RBPJ: variants seen among roughly 807,000 people sequenced by gnomAD.
The protein encoded by RBPJ is recombination signal binding protein for immunoglobulin kappa J region.
A neutral mutation model predicts 67.8 loss-of-function variants in RBPJ; 9 were observed. The ratio of observed to expected loss-of-function variants is 0.13; its 90% CI spans 0.08 to 0.23. The LOEUF is 0.23. Ranked by LOEUF, RBPJ falls within the 10% of genes least tolerant of loss-of-function variation. The pLI is 1.00. For synonymous variants in RBPJ, 198 were observed against 203.3 expected, an observed-to-expected ratio of 0.97 and a Z score of 0.22; for missense variants, 305 against 595.6, an observed-to-expected ratio of 0.51 and a Z score of 5.08.
intron 1 of RBPJ, among the ~76,000 whole-genome samples, chr4:26,215,695 A>C (rs1476292815): frequency 3.9e-5 from 6 of 152,022 alleles, no homozygotes; most frequent in African/African-American, 1.2e-4. Flanking sequence ...CAGATCACAC[A>C]CTCTCACGCT....
chr4:26,406,878 G>A (rs1733472897), intron 3 of RBPJ, among the ~76,000 whole-genome samples: 1 of 152,238 alleles, frequency 6.6e-6, no homozygotes, highest in African/African-American at 2.4e-5. Flanking sequence ...TTGGGCTAAA[G>A]TGTAAGAACT....
chr4:26,308,556 G>A (rs567082231), intron 1 of RBPJ, among the ~76,000 whole-genome samples: 1 of 152,200 alleles, frequency 6.6e-6, no homozygotes, highest in African/African-American at 2.4e-5. Flanking sequence ...TATTGAAAGA[G>A]ACAATGTACA....
intron 1 of RBPJ, among the ~76,000 whole-genome samples, chr4:26,205,879 C>T (rs181077178): frequency 5.3e-5 from 8 of 151,702 alleles, no homozygotes; most frequent in Admixed American, 2.0e-4. Context: ...AGACATGAGC[C>T]GCCACACCCA....
At chr4:26,330,249 T>C (rs1433641380) in intron 1 of RBPJ, among the ~76,000 whole-genome samples, 1 of 152,228 alleles carries the variant, frequency 6.6e-6, no homozygotes, top group Non-Finnish European at 1.5e-5. Context: ...GTTTAATCTG[T>C]CAGTGAGCTT....
intron 1 of RBPJ, among the ~76,000 whole-genome samples, chr4:26,191,310 G>T (rs756262465): frequency 2.8e-4 from 40 of 143,294 alleles, no homozygotes; most frequent in Admixed American, 9.9e-4. Context: ...ATGATTTTTT[G>T]ATTTTTTTAT....
intron 1 of RBPJ, among the ~76,000 whole-genome samples, chr4:26,232,388 C>T (rs1719319915): frequency 6.6e-6 from 1 of 152,050 alleles, no homozygotes; most frequent in Admixed American, 6.6e-5. Context: ...CTTCCTGATA[C>T]TCTCCCTCCT....
At chr4:26,247,850 G>A (rs1261789708) in intron 1 of RBPJ, among the ~76,000 whole-genome samples, 1 of 152,166 alleles carries the variant, frequency 6.6e-6, no homozygotes, top group African/African-American at 2.4e-5. Context: ...GGAGTAGAGA[G>A]GAAGGAGTGC....
At chr4:26,209,365 C>T (rs985211775) in intron 1 of RBPJ, among the ~76,000 whole-genome samples, 5 of 152,094 alleles carry the variant, frequency 3.3e-5, no homozygotes, top group South Asian at 2.1e-4. Flanking sequence ...ACAAGATTTT[C>T]GGTTTGTGTT....
intron 1 of RBPJ, among the ~76,000 whole-genome samples, chr4:26,232,894 C>CA (rs1439264371): frequency 6.6e-6 from 1 of 152,148 alleles, no homozygotes; most frequent in Non-Finnish European, 1.5e-5. Context: ...GTGCGGGGAA[C>CA]CTGCTATAAT....
At chr4:26,243,321 T>C (rs1719713815) in intron 1 of RBPJ, among the ~76,000 whole-genome samples, 1 of 152,208 alleles carries the variant, frequency 6.6e-6, no homozygotes, top group South Asian at 2.1e-4. Context: ...GCAGAAATTT[T>C]CTTAAAAAAT....
chr4:26,263,502 C>G (rs763588734), intron 1 of RBPJ, among the ~76,000 whole-genome samples: 3 of 152,166 alleles, frequency 2.0e-5, no homozygotes, highest in Non-Finnish European at 2.9e-5. Context: ...TTGTTATTTT[C>G]CAGTTATTTG....
intron 1 of RBPJ, among the ~76,000 whole-genome samples, chr4:26,192,448 G>T (rs1178261139): frequency 2.0e-5 from 3 of 152,144 alleles, no homozygotes; most frequent in Admixed American, 2.0e-4. Context: ...CACAGATGTT[G>T]CTATTAATCA....
At chr4:26,290,538 G>A (rs192735175) in intron 1 of RBPJ, among the ~76,000 whole-genome samples, 3 of 150,290 alleles carry the variant, frequency 2.0e-5, no homozygotes, top group Admixed American at 2.0e-4. Flanking sequence ...ATATATCCAA[G>A]CTTCTATGTT....
the RBPJ span, among the ~76,000 whole-genome samples, chr4:26,120,790 C>T: frequency 7.5e-6 from 1 of 134,116 alleles, no homozygotes; most frequent in African/African-American, 2.8e-5. Flanking sequence ...ACCATTGAGG[C>T]GTGGACAGAA....
At chr4:26,305,761 A>ATTTTTTTT (rs1722212048) in intron 1 of RBPJ, among the ~76,000 whole-genome samples, 1 of 74,748 alleles carries the variant, frequency 1.3e-5, no homozygotes, top group African/African-American at 6.0e-5. Context: ...AGTTCTTAGA[A>ATTTTTTTT]TTTTCTTTTC....
At chr4:26,321,002 T>G (rs1479254453), upstream of RBPJ, 1 of 1,613,120 alleles carries the variant, frequency 6.2e-7, no homozygotes, top group Non-Finnish European at 8.5e-7. Flanking sequence ...TCGCGAGGGT[T>G]GGAGTTTTGG....
intron 1 of RBPJ, among the ~76,000 whole-genome samples, chr4:26,241,708 C>T (rs1369544398): frequency 6.6e-6 from 1 of 151,888 alleles, no homozygotes; most frequent in Non-Finnish European, 1.5e-5. Context: ...GGCAGGGTTT[C>T]GCTATGTTGG....
chr4:26,155,395 G>C, the RBPJ span, among the ~76,000 whole-genome samples: 1 of 151,488 alleles, frequency 6.6e-6, no homozygotes, highest in African/African-American at 2.4e-5. Context: ...GGGTCACTGA[G>C]CTGCTCACCT....
chr4:26,114,142 A>G, the RBPJ span, among the ~76,000 whole-genome samples: 2 of 152,298 alleles, frequency 1.3e-5, no homozygotes, highest in Non-Finnish European at 2.9e-5. Context: ...TGAAGCATAT[A>G]AAAGTTGAAT....
Sources: allele counts gnomAD v4.1 joint callset (sites outside exome capture counted in the v4.1 genomes callset), GRCh38; gene constraint gnomAD v4.1.1; transcripts MANE v1.5; gene names NCBI Gene and HGNC (gene_info 2026-07-23, HGNC 2026-07-21).